Variants in TNKS observed in about 807,000 individuals in gnomAD.
TNKS encodes poly [ADP-ribose] polymerase tankyrase-1.
A neutral mutation model predicts 135.8 loss-of-function variants in TNKS; 72 were observed. The observed-to-expected ratio is 0.53, with a 90% CI of 0.44 to 0.64. The LOEUF is 0.64. Ranked by LOEUF, TNKS falls within the 30% of genes least tolerant of loss-of-function variation. TNKS has a pLI of 0.00. For synonymous variants in TNKS, 849 were observed against 649.3 expected (o/e 1.31, Z -4.68); for missense variants, 1,769 against 1,674.0 (o/e 1.06, Z -0.99).
chr8:9,667,512 C>G (rs938969745), intron 3 of TNKS, among the ~76,000 whole-genome samples: 1 of 152,228 alleles, frequency 6.6e-6, no homozygotes, highest in East Asian at 1.9e-4. Flanking sequence ...CCATATCATC[C>G]TGAGGAATTG....
In TNKS at chr8:9,575,474, C is replaced by G. The variant is rs141276158; in HGVS notation, c.674-4685C>G. 300 of 955,676 alleles carry G rather than the reference C, an allele frequency of 3.1e-4. 1 individual carries two copies. The African/African-American group carries it at 5.0e-3, about 16-fold the overall frequency. The allele number at this position is 955,676 out of a possible 1,614,324, so 59.2% of individuals were successfully genotyped here. ...CTAACAAATAGACAAACTGACCAAC[C>G]AAAAAGAAAAGATAAGGAAAAATAA... is the stretch of plus-strand genomic sequence containing the variant. On this transcript the variant is annotated intron_variant, in intron 1 of 26. Transcript: ENST00000310430.
Position 9,587,414 on chromosome 8 carries a change from T to C in TNKS, c.898+7031T>C, listed in dbSNP as rs528309377. Reference sequence around the variant, plus strand: ...ACACCTTGATTTTTTTTTTTTTTTTTCTTCAAATGGAGTCTCGCTCTGTCG... The same window carrying C: ...ACACCTTGATTTTTTTTTTTTTTTTCCTTCAAATGGAGTCTCGCTCTGTCG... On this transcript the variant is annotated intron_variant, in intron 2 of 26. Coordinates refer to ENST00000310430, the MANE Select transcript of TNKS (RefSeq NM_003747.3). Among the ~76,000 whole-genome samples, 12 of 150,232 alleles carry C rather than the reference T, an allele frequency of 8.0e-5. No individual in the cohort carries two copies. In the East Asian group the frequency reaches 1.2e-3, roughly 15 times the overall value.
chr8:9,623,618 G>T (rs1292446599), intron 3 of TNKS, among the ~76,000 whole-genome samples: 2 of 152,144 alleles, frequency 1.3e-5, no homozygotes, highest in African/African-American at 4.8e-5. Context: ...TGGATGCAAG[G>T]TTGCCACAAA....
rs1585468300 is a variant in TNKS at position 9,780,045 on chromosome 8, T to A, written c.*3309T>A. ...ATGCCTGAATATGGCAAGCAAATAATGTAGATTAACATTCTATTATTGTAT... is the reference window on the plus strand; with the variant it reads ...ATGCCTGAATATGGCAAGCAAATAAAGTAGATTAACATTCTATTATTGTAT... On this transcript the variant is annotated 3_prime_UTR_variant, in exon 27 of 27. Transcript: ENST00000310430. 6.6e-6 allele frequency: 1 copy of A among 152,240 alleles called. No individual in the cohort carries two copies. The highest frequency in any genetic ancestry group is 3.4e-3 in the Middle Eastern group (1 of 294). The allele number at this position is 152,240 out of a possible 1,614,324, so 9.4% of individuals were successfully genotyped here. A position where few individuals can be genotyped will look rare whatever the true frequency, so the allele number is the denominator to read the frequency against.
At chr8:9,620,841 C>T (rs943240495) in intron 3 of TNKS, among the ~76,000 whole-genome samples, 1 of 152,156 alleles carries the variant, frequency 6.6e-6, no homozygotes, top group African/African-American at 2.4e-5. Flanking sequence ...TCTGGCATTG[C>T]ATTGTGTTGT....
chr8:9,762,619 T>C (rs551763518), intron 21 of TNKS, among the ~76,000 whole-genome samples: 6 of 152,208 alleles, frequency 3.9e-5, no homozygotes, highest in African/African-American at 1.4e-4. Context: ...CAGATAAAAT[T>C]GGGCTGGGCG....
intron 3 of TNKS, among the ~76,000 whole-genome samples, chr8:9,627,611 C>T (rs940544546): frequency 6.6e-6 from 1 of 152,036 alleles, no homozygotes; most frequent in South Asian, 2.1e-4. Context: ...GAAAACTCCC[C>T]ACACATTCAG....
chr8:9,659,316 A>G (rs1801581479), intron 3 of TNKS, among the ~76,000 whole-genome samples: 1 of 152,228 alleles, frequency 6.6e-6, no homozygotes, highest in Non-Finnish European at 1.5e-5. Context: ...CTATTCCAAA[A>G]TTGACCACAT....
rs1253487735 is a variant in TNKS, at chr8:9,776,986, A to G, written c.*250A>G. ...CATATCTCAGGCTCATTTTCATTGC[A>G]ATTATCCATTTCTAAAACAAGATTG... On this transcript the variant is annotated 3_prime_UTR_variant, in exon 27 of 27. Coordinates refer to ENST00000310430, the MANE Select transcript of TNKS (RefSeq NM_003747.3). The G allele has an allele frequency of 2.2e-6, 1 of 457,492 alleles. No homozygotes were observed. Among genetic ancestry groups the G allele is most frequent in the Non-Finnish European group, 3.9e-6 (1 of 256,098 alleles). 28.3% of individuals were successfully genotyped at this position (457,492 alleles called of 1,614,324 possible). A position where few individuals can be genotyped will look rare whatever the true frequency, so the allele number is the denominator to read the frequency against.
At chr8:9,601,728 G>T (rs984787659) in intron 2 of TNKS, among the ~76,000 whole-genome samples, 1 of 152,066 alleles carries the variant, frequency 6.6e-6, no homozygotes, top group South Asian at 2.1e-4. Flanking sequence ...GATAAAGTCA[G>T]TACTCAAAGA....
intron 3 of TNKS, among the ~76,000 whole-genome samples, chr8:9,660,104 C>T (rs1801622977): frequency 2.0e-5 from 3 of 152,040 alleles, no homozygotes; most frequent in African/African-American, 7.2e-5. Context: ...AATAGCTTAC[C>T]AACCAAAAAA....
intron 1 of TNKS, among the ~76,000 whole-genome samples, chr8:9,579,204 C>T (rs1798071460): frequency 6.6e-6 from 1 of 152,134 alleles, no homozygotes; most frequent in African/African-American, 2.4e-5. Context: ...TGTATTCCCA[C>T]TCATTTGCCA....
At position 9,599,264 on chromosome 8, in the gene TNKS, A is replaced by G. The variant is rs562646319; in HGVS notation, c.899-16318A>G. Among the ~76,000 whole-genome samples the G allele has an allele frequency of 4.6e-5, 7 of 152,288 alleles. No individual in the cohort carries two copies. The South Asian group carries it at 1.4e-3, about 32-fold the overall frequency. ...CCAGCAGATCTTCTGTTAGCACTGT[A>G]TATCTATTTTTGAAAGACAGATGAA... On this transcript the variant is annotated intron_variant, in intron 2 of 26. Transcript: ENST00000310430.
At chr8:9,565,239 AGTGTGTCAGCTCCC>A (rs1220283969) in intron 1 of TNKS, among the ~76,000 whole-genome samples, 1 of 151,958 alleles carries the variant, frequency 6.6e-6, no homozygotes, top group Non-Finnish European at 1.5e-5. Flanking sequence ...TGTTTTTTGG[AGTGTGTCAGCTCCC>A]CATTCAATTT....
chr8:9,768,612 C>T (rs1419837992), intron 25 of TNKS, among the ~76,000 whole-genome samples: 6 of 152,228 alleles, frequency 3.9e-5, no homozygotes, highest in South Asian at 4.1e-4. Flanking sequence ...GCAGGTCCCA[C>T]GTCATCTCCT....
chr8:9,764,660 T>C (rs1807328517), intron 22 of TNKS, 56 bp from the exon 23 acceptor site: 3 of 1,356,958 alleles, frequency 2.2e-6, no homozygotes, highest in Non-Finnish European at 3.0e-6. Context: ...AGACTCATCA[T>C]TGTCTAGAAT....
chr8:9,621,967 G>A (rs74301621), intron 3 of TNKS, among the ~76,000 whole-genome samples: 12,616 of 152,208 alleles, frequency 0.083, 554 homozygotes, highest in South Asian at 0.17. Context: ...CTGAAACAAA[G>A]CAATGTGAAT....
intron 3 of TNKS, among the ~76,000 whole-genome samples, chr8:9,678,174 A>C (rs934093494): frequency 1.3e-5 from 2 of 152,116 alleles, no homozygotes; most frequent in Non-Finnish European, 1.5e-5. Context: ...AAGAAATGTG[A>C]CTCTACGAAA....
At chr8:9,687,967 G>A (rs142145429) in intron 5 of TNKS, among the ~76,000 whole-genome samples, 2 of 152,180 alleles carry the variant, frequency 1.3e-5, no homozygotes, top group African/African-American at 4.8e-5. Flanking sequence ...AACTACAGCA[G>A]TAGCTGGAAA....
Sources: allele counts gnomAD v4.1 joint callset (sites outside exome capture counted in the v4.1 genomes callset), GRCh38; gene constraint gnomAD v4.1.1; transcripts MANE v1.5; gene names NCBI Gene and HGNC (gene_info 2026-07-23, HGNC 2026-07-21).